The following SFT2D2 variants were observed in gnomAD, a reference collection of about 807,000 sequenced individuals.
SFT2D2 encodes SFT2 domain containing 2.
SFT2D2 carries 21 observed loss-of-function variants against 27.4 expected under a neutral mutation model. The ratio of observed to expected loss-of-function variants is 0.77; its 90% CI spans 0.54 to 1.10. The LOEUF (loss-of-function observed/expected upper bound fraction) is 1.10. Ranked by LOEUF, SFT2D2 falls within the 50% of genes least tolerant of loss-of-function variation. SFT2D2 has a pLI of 0.00. For missense variants in SFT2D2, 187 were observed against 194.2 expected (o/e 0.96, Z 0.22); for synonymous variants, 72 against 71.7 (o/e 1.00, Z -0.02).
chr1:168,250,249 T>G lies in SFT2D2; in HGVS notation c.*7709T>G, dbSNP rs1647920261. On this transcript the variant is annotated 3_prime_UTR_variant, in exon 8 of 8. Transcript: ENST00000271375. ...TCCTTAAGTTGCCTTATTCTTTGGTTGTTTCCCTACTTGTTTTTGTTAGAC... is the reference window on the plus strand; with the variant it reads ...TCCTTAAGTTGCCTTATTCTTTGGTGGTTTCCCTACTTGTTTTTGTTAGAC... The G allele has an allele frequency of 6.6e-6, 1 of 152,240 alleles. No homozygotes were observed. Among genetic ancestry groups the G allele is most frequent in the Admixed American group, 6.5e-5 (1 of 15,280 alleles). The allele number at this position is 152,240 out of a possible 1,614,324, so 9.4% of individuals were successfully genotyped here.
At chr1:168,227,915 T>G (rs1319562853) in intron 1 of SFT2D2, among the ~76,000 whole-genome samples, 1 of 152,232 alleles carries the variant, frequency 6.6e-6, no homozygotes, top group Admixed American at 6.5e-5. Flanking sequence ...CTAGTAAAGT[T>G]TGCAAACATA....
At chr1:168,238,591 G>T (rs2102332103) in intron 6 of SFT2D2, among the ~76,000 whole-genome samples, 1 of 152,104 alleles carries the variant, frequency 6.6e-6, no homozygotes, top group Admixed American at 6.5e-5. Context: ...TGAGGCAGGG[G>T]GATTGCTTGA....
Position 168,231,524 on chromosome 1 carries a change from C to T in SFT2D2, c.74C>T (p.Ala25Val), listed in dbSNP as rs1647305696. The change falls in exon 2 of 8, where the codon GCA (alanine) becomes GTA (valine). Residue 25 changes from alanine to valine, a missense_variant. Transcript: ENST00000271375. ...TTTTTTCAATTTTAGGTTGTTGAGG[C>T]ATCTTCATTAAGCTGGAGTACCAGG... ...DRSGLSEVVE[A>V]SSLSWSTRIK... 6.2e-7 allele frequency: 1 copy of T among 1,613,036 alleles called. No homozygotes were observed. Among genetic ancestry groups the T allele is most frequent in the Non-Finnish European group, 8.5e-7 (1 of 1,179,630 alleles).
Position 168,242,685 on chromosome 1 carries a change from G to A in SFT2D2, c.*145G>A. ...GTTGCTTGTGATTCGAACATTTGAG[G>A]GTTACTTTTGGAAGCAACAATACAT... On this transcript the variant is annotated 3_prime_UTR_variant, in exon 8 of 8. Coordinates refer to ENST00000271375, the MANE Select transcript of SFT2D2 (RefSeq NM_199344.3). 2 of 964,352 alleles carry A rather than the reference G, an allele frequency of 2.1e-6. No homozygotes were observed. Among genetic ancestry groups the A allele is most frequent in the Non-Finnish European group, 3.3e-6 (2 of 609,128 alleles). 59.7% of individuals were successfully genotyped at this position (964,352 alleles called of 1,614,324 possible). A position where few individuals can be genotyped will look rare whatever the true frequency, so the allele number is the denominator to read the frequency against.
At chr1:168,234,688 C>G (rs1224552050) in intron 3 of SFT2D2, among the ~76,000 whole-genome samples, 1 of 152,072 alleles carries the variant, frequency 6.6e-6, no homozygotes, top group East Asian at 1.9e-4. Context: ...GCTACCTAAG[C>G]CTGTAAGGTA....
rs1259319201 is a variant in SFT2D2, at chr1:168,250,340, AG to A, written c.*7801del. 6.6e-6 allele frequency: 1 copy of A among 152,258 alleles called. No homozygotes were observed. Among genetic ancestry groups the A allele is most frequent in the Non-Finnish European group, 1.5e-5 (1 of 68,052 alleles). 9.4% of individuals were successfully genotyped at this position (152,258 alleles called of 1,614,324 possible). On this transcript the variant is annotated 3_prime_UTR_variant, in exon 8 of 8. Coordinates refer to ENST00000271375, the MANE Select transcript of SFT2D2 (RefSeq NM_199344.3). ...TTACCAAGCAACAGCAGTGATTAAAAGCAACCTGATGAGTGAGTAAAGAATT... is the reference window on the plus strand; with the variant it reads ...TTACCAAGCAACAGCAGTGATTAAAACAACCTGATGAGTGAGTAAAGAATT...
intron 4 of SFT2D2, among the ~76,000 whole-genome samples, 193 bp from the exon 5 acceptor site, chr1:168,236,396 G>C (rs1190733101): frequency 6.6e-6 from 1 of 152,202 alleles, no homozygotes; most frequent in African/African-American, 2.4e-5. Context: ...TCTTATCTAT[G>C]TGAATCTTTA....
intron 7 of SFT2D2, among the ~76,000 whole-genome samples, chr1:168,240,637 G>A (rs761658801): frequency 9.9e-5 from 15 of 152,182 alleles, no homozygotes; most frequent in Admixed American, 1.3e-4. Flanking sequence ...ATCATAGGCC[G>A]GGCACGGTAG....
rs945076882 is a variant in SFT2D2 at position 168,248,797 on chromosome 1, T to A, written c.*6257T>A. 6.6e-6 allele frequency: 1 copy of A among 152,242 alleles called. No homozygotes were observed. The highest frequency in any genetic ancestry group is 1.5e-5 in the Non-Finnish European group (1 of 68,048). 9.4% of individuals were successfully genotyped at this position (152,242 alleles called of 1,614,324 possible). On this transcript the variant is annotated 3_prime_UTR_variant, in exon 8 of 8. Transcript: ENST00000271375. ...TATTGGTCTATTCAGGAACTCGACT[T>A]CTTCCTGGTTTAGTCTTGGGAGGGT...
intron 7 of SFT2D2, among the ~76,000 whole-genome samples, chr1:168,242,258 T>G (rs903513627): frequency 1.3e-5 from 2 of 152,234 alleles, no homozygotes; most frequent in African/African-American, 4.8e-5. Flanking sequence ...AATCCCATAA[T>G]CAGACTGTCG....
In SFT2D2 at chr1:168,246,771, T is replaced by G; in HGVS notation, c.*4231T>G. On this transcript the variant is annotated 3_prime_UTR_variant, in exon 8 of 8. Transcript: ENST00000271375. ...CAGTTTAGAACGGAGCATTGTGTTC[T>G]CATCTGTCAGAGCAGTAAGCTGTCC... 1.4e-6 allele frequency: 1 copy of G among 735,686 alleles called. No individual in the cohort carries two copies. The highest frequency in any genetic ancestry group is 2.3e-6 in the Non-Finnish European group (1 of 426,108). 45.6% of individuals were successfully genotyped at this position (735,686 alleles called of 1,614,324 possible).
intron 7 of SFT2D2, among the ~76,000 whole-genome samples, chr1:168,240,174 C>CAAAAAA (rs71299093): frequency 9.7e-6 from 1 of 103,226 alleles, no homozygotes; most frequent in Non-Finnish European, 2.0e-5. Flanking sequence ...GACTCTGTCT[C>CAAAAAA]AAAAAAAAAA....
rs536792918 is a variant in SFT2D2, at chr1:168,239,090, C to A, written c.414-41C>A. The stretch of plus-strand genomic sequence containing the variant: ...CATTCTGCTGGATAATCTGCTACTC[C>A]CTTCATCTCATTTGACCCTTTGTTT... On this transcript the variant is annotated intron_variant, in intron 6 of 7. Coordinates refer to ENST00000271375, the MANE Select transcript of SFT2D2 (RefSeq NM_199344.3). 22 of 1,474,140 alleles carry A rather than the reference C, an allele frequency of 1.5e-5. No homozygotes were observed. The Admixed American group carries it at 3.2e-4, about 21-fold the overall frequency. 91.3% of individuals were successfully genotyped at this position (1,474,140 alleles called of 1,614,324 possible). A position where few individuals can be genotyped will look rare whatever the true frequency, so the allele number is the denominator to read the frequency against.
At position 168,226,025 on chromosome 1, in the gene SFT2D2, A is replaced by C. The variant is rs1700453812; in HGVS notation, c.-55A>C. ...TAGCACCCGGAAGAGCCGTCAACTT[A>C]GCGAGCGCAACAGGCTGCCGCTGAG... On this transcript the variant is annotated 5_prime_UTR_variant, in exon 1 of 8. Coordinates refer to ENST00000271375, the MANE Select transcript of SFT2D2 (RefSeq NM_199344.3). The C allele has an allele frequency of 2.8e-6, 4 of 1,450,372 alleles. No homozygotes were observed. Among genetic ancestry groups the C allele is most frequent in the Admixed American group, 2.4e-5 (1 of 41,008 alleles). 89.8% of individuals were successfully genotyped at this position (1,450,372 alleles called of 1,614,324 possible).
chr1:168,241,997 T>C (rs1647655232), intron 7 of SFT2D2, among the ~76,000 whole-genome samples: 1 of 152,138 alleles, frequency 6.6e-6, no homozygotes, highest in South Asian at 2.1e-4. Flanking sequence ...AACTCTTCCT[T>C]GCACCCTCTA....
At chr1:168,228,064 T>A (rs1338694937) in intron 1 of SFT2D2, among the ~76,000 whole-genome samples, 1 of 152,206 alleles carries the variant, frequency 6.6e-6, no homozygotes, top group Non-Finnish European at 1.5e-5. Flanking sequence ...TTAAAATACT[T>A]TGGTCAGTTG....
In SFT2D2 at chr1:168,252,242, A is replaced by G. The variant is rs1647967364; in HGVS notation, c.*9702A>G. On this transcript the variant is annotated 3_prime_UTR_variant, in exon 8 of 8. Coordinates refer to ENST00000271375, the MANE Select transcript of SFT2D2 (RefSeq NM_199344.3). ...TGATCTGTCTAGATTGTAGCAAATG[A>G]TGGTACATATTCACAACAAAGTTGT... 1 of 152,244 alleles carries G rather than the reference A, an allele frequency of 6.6e-6. No homozygotes were observed. The highest frequency in any genetic ancestry group is 2.1e-4 in the South Asian group (1 of 4,832). The allele number at this position is 152,244 out of a possible 1,614,324, so 9.4% of individuals were successfully genotyped here. A position where few individuals can be genotyped will look rare whatever the true frequency, so the allele number is the denominator to read the frequency against.
In SFT2D2 at chr1:168,242,651, C is replaced by A; in HGVS notation, c.*111C>A. On this transcript the variant is annotated 3_prime_UTR_variant, in exon 8 of 8. Transcript: ENST00000271375. ...TTACAGACATGTGCCTTTTATCTTG[C>A]AGCAATGTGTTGCTTGTGATTCGAA... 7.7e-7 allele frequency: 1 copy of A among 1,298,014 alleles called. No homozygotes were observed. The highest frequency in any genetic ancestry group is 1.1e-6 in the Non-Finnish European group (1 of 894,380). 80.4% of individuals were successfully genotyped at this position (1,298,014 alleles called of 1,614,324 possible). A position where few individuals can be genotyped will look rare whatever the true frequency, so the allele number is the denominator to read the frequency against.
At chr1:168,231,008 G>C (rs1224750455) in intron 1 of SFT2D2, among the ~76,000 whole-genome samples, 1 of 152,250 alleles carries the variant, frequency 6.6e-6, no homozygotes, top group African/African-American at 2.4e-5. Context: ...TGAACCAAGA[G>C]TGAATAATGT....
Sources: gnomAD v4.1 joint callset for allele counts (sites outside exome capture counted in the v4.1 genomes callset) on GRCh38, gnomAD v4.1.1 for gene constraint, MANE v1.5 for transcripts, NCBI Gene and HGNC (gene_info 2026-07-23, HGNC 2026-07-21) for gene names.